The following ITGAE variants were observed in gnomAD, a reference collection of about 807,000 sequenced individuals.
ITGAE encodes the protein integrin alpha-E.
ITGAE carries 99 observed loss-of-function variants against 136.5 expected under a neutral mutation model. The ratio of observed to expected loss-of-function variants is 0.73; its 90% CI spans 0.62 to 0.86. The LOEUF (loss-of-function observed/expected upper bound fraction) is 0.86, where lower values mean the gene tolerates loss of function less well. ITGAE is among the 40% of genes least tolerant of loss of function. The pLI is 0.00. For missense variants in ITGAE, 1,447 were observed against 1,515.3 expected (o/e 0.95, Z 0.75); for synonymous variants, 613 against 591.8 (o/e 1.04, Z -0.52).
chr17:3,728,821 C>T (rs575391477), intron 24 of ITGAE, among the ~76,000 whole-genome samples: 1 of 151,560 alleles, frequency 6.6e-6, no homozygotes, highest in Admixed American at 6.6e-5. Context: ...CACCTGAGGC[C>T]AGGAGTTCAA....
At position 3,739,854 on chromosome 17, in the gene ITGAE, T is replaced by G; in HGVS notation, c.2473A>C (p.Asn825His). Residue 825 changes from asparagine to histidine, a missense_variant, in exon 20 of 31, where the codon AAT becomes CAT. Coordinates refer to ENST00000263087, the MANE Select transcript of ITGAE (RefSeq NM_002208.5). ...FQLPYEKACKNKLFCVAELQL... is the reference protein window; with the variant it reads ...FQLPYEKACKHKLFCVAELQL... The stretch of plus-strand genomic sequence containing the variant: ...AATTCTGCGACACAAAACAGCTTAT[T>G]CTTGCAGGCCTTCTCATAGGGCAGC... 1 of 1,614,178 alleles carries G rather than the reference T, an allele frequency of 6.2e-7. No individual in the cohort carries two copies. Among genetic ancestry groups the G allele is most frequent in the Non-Finnish European group, 8.5e-7 (1 of 1,180,018 alleles).
At chr17:3,764,675 G>C (rs187524412) in intron 2 of ITGAE, among the ~76,000 whole-genome samples, 3 of 151,958 alleles carry the variant, frequency 2.0e-5, no homozygotes, top group Admixed American at 6.6e-5. Flanking sequence ...CCAGCCTGGG[G>C]GACAGAGTGT....
chr17:3,725,463 A>C, intron 26 of ITGAE: 1 of 1,614,252 alleles, frequency 6.2e-7, no homozygotes, highest in South Asian at 1.1e-5. Flanking sequence ...ACCCGTAGCC[A>C]TAAAAATCAT....
At chr17:3,763,534 C>T (rs1051485191) in intron 3 of ITGAE, among the ~76,000 whole-genome samples, 8 of 152,148 alleles carry the variant, frequency 5.3e-5, no homozygotes. Context: ...GACCTACATT[C>T]TCTGAACTGT....
chr17:3,756,866 G>C, intron 10 of ITGAE, 118 bp downstream of exon 10: 1 of 1,105,032 alleles, frequency 9.0e-7, no homozygotes, highest in South Asian at 1.5e-5. Flanking sequence ...ACATGGAAGA[G>C]CTGAGGTTCA....
intron 10 of ITGAE, among the ~76,000 whole-genome samples, chr17:3,756,620 G>A (rs2052033255): frequency 6.6e-6 from 1 of 152,110 alleles, no homozygotes; most frequent in South Asian, 2.1e-4. Flanking sequence ...GGCCAGGCTG[G>A]TCTTGAACTC....
intron 26 of ITGAE, chr17:3,724,630 G>A: frequency 6.2e-7 from 1 of 1,614,204 alleles, no homozygotes; most frequent in Non-Finnish European, 8.5e-7. Flanking sequence ...AAGGACACCA[G>A]GATGGTCCAC....
At position 3,801,050 on chromosome 17, in the gene ITGAE, A is replaced by G. The variant is rs1443305241; in HGVS notation, c.34+61T>C. 8.2e-6 allele frequency: 13 copies of G among 1,582,466 alleles called. No individual in the cohort carries two copies. The Admixed American group carries it at 2.0e-4, about 24-fold the overall frequency. ...ACAGACAGTCAAGGCTGTAGTCTGC[A>G]GACACCTGGCTGGAGCTGAGGGCAC... On this transcript the variant is annotated intron_variant, in intron 1 of 30. Coordinates refer to ENST00000263087, the MANE Select transcript of ITGAE (RefSeq NM_002208.5).
intron 2 of ITGAE, among the ~76,000 whole-genome samples, chr17:3,772,957 C>T (rs764292990): frequency 2.0e-5 from 3 of 152,272 alleles, no homozygotes; most frequent in East Asian, 1.9e-4. Flanking sequence ...AAGGTCCTCA[C>T]GTTCAACTCA....
chr17:3,739,862 G>C lies in ITGAE; in HGVS notation c.2465C>G (p.Ala822Gly), dbSNP rs1567523366. Reference protein sequence around the residue: ...FAIFQLPYEKACKNKLFCVAE... With the variant: ...FAIFQLPYEKGCKNKLFCVAE... ...GACACAAAACAGCTTATTCTTGCAG[G>C]CCTTCTCATAGGGCAGCTGTAACCA... Residue 822 changes from alanine to glycine, a missense_variant, in exon 20 of 31, where the codon GCC (alanine) becomes GGC (glycine). This residue lies in a region of ITGAE where 1,031 missense variants were observed against 1,011.4 expected (regional missense o/e 1.02). Transcript: ENST00000263087. 6.2e-7 allele frequency: 1 copy of C among 1,614,048 alleles called. No homozygotes were observed. Among genetic ancestry groups the C allele is most frequent in the Non-Finnish European group, 8.5e-7 (1 of 1,179,884 alleles).
intron 23 of ITGAE, among the ~76,000 whole-genome samples, chr17:3,730,205 C>T (rs1009900653): frequency 6.6e-6 from 1 of 152,050 alleles, no homozygotes; most frequent in African/African-American, 2.4e-5. Flanking sequence ...CCTGTAATCC[C>T]AGTGCTTTGG....
chr17:3,746,869 G>A (rs1289860595), intron 17 of ITGAE, among the ~76,000 whole-genome samples: 1 of 152,192 alleles, frequency 6.6e-6, no homozygotes, highest in Non-Finnish European at 1.5e-5. Context: ...GGGATTACAG[G>A]CGTGAGCTAC....
chr17:3,796,121 C>CTGTG (rs72002948), intron 1 of ITGAE, among the ~76,000 whole-genome samples: 8,079 of 131,684 alleles, frequency 0.061, 531 homozygotes, highest in African/African-American at 0.12. Context: ...GTGTGCATCC[C>CTGTG]TGTGTGTGCA....
intron 30 of ITGAE, 146 bp downstream of exon 30, chr17:3,716,542 T>A (rs374381524): frequency 9.4e-6 from 6 of 640,754 alleles, no homozygotes; most frequent in African/African-American, 3.6e-5. Flanking sequence ...TTTGTCTAAA[T>A]GGGGGTGTGC....
Position 3,761,416 on chromosome 17 carries a change from G to A in ITGAE, c.420C>T (p.Asn140=). 1 of 1,612,742 alleles carries A rather than the reference G, an allele frequency of 6.2e-7. No individual in the cohort carries two copies. ...GPDLRPQAQA[N]FFDLENLLDP... ...TCCAATCCTTACCAAGGTCGAAGAA[G>A]TTGGCCTGAGCCTGGGGACGGAGGT... is the stretch of plus-strand genomic sequence containing the variant. The change falls in exon 5 of 31, where the codon AAC becomes AAT. Residue 140 remains asparagine, a synonymous_variant. Transcript: ENST00000263087.
At chr17:3,766,053 G>A (rs1487286767) in intron 2 of ITGAE, among the ~76,000 whole-genome samples, 2 of 152,170 alleles carry the variant, frequency 1.3e-5, no homozygotes, top group East Asian at 3.9e-4. Context: ...GAGATGGGGG[G>A]GTTATCCTGG....
chr17:3,742,338 G>A (rs1446798250), intron 19 of ITGAE, among the ~76,000 whole-genome samples: 2 of 151,972 alleles, frequency 1.3e-5, no homozygotes, highest in East Asian at 3.9e-4. Flanking sequence ...GGCAAAATTT[G>A]AATAAAGTTT....
chr17:3,728,905 G>A (rs182948360), intron 24 of ITGAE, among the ~76,000 whole-genome samples: 1 of 151,968 alleles, frequency 6.6e-6, no homozygotes, highest in Non-Finnish European at 1.5e-5. Context: ...GCCTGGTGGT[G>A]TCCACCTGTA....
intron 10 of ITGAE, 94 bp downstream of exon 10, chr17:3,756,890 A>T (rs779330730): frequency 5.5e-5 from 72 of 1,319,210 alleles, no homozygotes; most frequent in Non-Finnish European, 7.1e-5. Context: ...AGATGATGGG[A>T]GTTGCTCAGA....
Sources: gnomAD v4.1 joint callset for allele counts (sites outside exome capture counted in the v4.1 genomes callset) on GRCh38, gnomAD v4.1.1 for gene constraint, gnomAD v4.1.1 regional missense constraint, MANE v1.5 for transcripts, NCBI Gene and HGNC (gene_info 2026-07-23, HGNC 2026-07-21) for gene names.